Variants in WDR27 observed in about 807,000 individuals in gnomAD.
WDR27 encodes WD repeat domain 27, also known as WD repeat-containing protein 27.
WDR27 carries 100 observed loss-of-function variants against 114.4 expected under a neutral mutation model. The ratio of observed to expected loss-of-function variants is 0.87; its 90% CI spans 0.74 to 1.03. WDR27 has a LOEUF of 1.03. Ranked by LOEUF, WDR27 falls within the 50% of genes least tolerant of loss-of-function variation. The pLI, the probability that WDR27 is intolerant of heterozygous loss-of-function variation, is 0.00. For synonymous variants in WDR27, 449 were observed against 423.1 expected, an observed-to-expected ratio of 1.06 and a Z score of -0.75; for missense variants, 1,129 against 1,092.9, an observed-to-expected ratio of 1.03 and a Z score of -0.47.
intron 1 of WDR27, among the ~76,000 whole-genome samples, chr6:169,697,522 C>T (rs966748861): frequency 7.9e-5 from 12 of 152,208 alleles, no homozygotes; most frequent in African/African-American, 2.7e-4. Flanking sequence ...CACTGTAATC[C>T]GGAGGCCTAA....
intron 19 of WDR27, among the ~76,000 whole-genome samples, chr6:169,635,149 C>T (rs963752004): frequency 3.3e-5 from 5 of 151,788 alleles, no homozygotes; most frequent in African/African-American, 9.7e-5. Context: ...GGGCAGATCA[C>T]GAGGTCAGGA....
At chr6:169,592,224 C>T (rs545824733) in intron 23 of WDR27, among the ~76,000 whole-genome samples, 2 of 152,228 alleles carry the variant, frequency 1.3e-5, no homozygotes, top group African/African-American at 2.4e-5. Flanking sequence ...AGTACAGCTA[C>T]AGAAAAACCT....
intron 23 of WDR27, among the ~76,000 whole-genome samples, chr6:169,592,300 C>T (rs1366980353): frequency 6.6e-6 from 1 of 152,098 alleles, no homozygotes; most frequent in African/African-American, 2.4e-5. Flanking sequence ...CAGAGAACTG[C>T]CTTCTTTAGG....
chr6:169,441,257 G>A, the WDR27 span, among the ~76,000 whole-genome samples: 21 of 151,712 alleles, frequency 1.4e-4, no homozygotes, highest in African/African-American at 4.8e-4. Flanking sequence ...TCCCCCGATG[G>A]GGGACCAGAG....
chr6:169,445,041 C>T, the WDR27 span, among the ~76,000 whole-genome samples: 2,057 of 152,162 alleles, frequency 0.014, 20 homozygotes, highest in Non-Finnish European at 0.022. Flanking sequence ...GGATGGGATT[C>T]GTGTGTCCAG....
chr6:169,673,998 C>T (rs763959608), intron 2 of WDR27, among the ~76,000 whole-genome samples: 24 of 152,198 alleles, frequency 1.6e-4, no homozygotes, highest in African/African-American at 5.5e-4. Context: ...TAAGAACTGA[C>T]ACCCAGTTAT....
At chr6:169,647,440 GC>G (rs1821061541) in intron 16 of WDR27, among the ~76,000 whole-genome samples, 1 of 152,206 alleles carries the variant, frequency 6.6e-6, no homozygotes, top group Non-Finnish European at 1.5e-5. Context: ...GCCTGCCGAA[GC>G]CCTCCCACCT....
At chr6:169,551,450 A>T (rs747204419) in intron 25 of WDR27, among the ~76,000 whole-genome samples, 2 of 152,136 alleles carry the variant, frequency 1.3e-5, no homozygotes, top group Non-Finnish European at 2.9e-5. Flanking sequence ...CAACATAACA[A>T]CCTGAGTGAC....
intron 22 of WDR27, among the ~76,000 whole-genome samples, chr6:169,602,670 G>C (rs532241745): frequency 6.6e-6 from 1 of 152,062 alleles, no homozygotes; most frequent in Non-Finnish European, 1.5e-5. Flanking sequence ...AAATTATTCA[G>C]AGACTTTTTG....
At chr6:169,428,619 C>G in the WDR27 span, among the ~76,000 whole-genome samples, 1 of 150,200 alleles carries the variant, frequency 6.7e-6, no homozygotes, top group Non-Finnish European at 1.5e-5. Context: ...GGGGGGGGTT[C>G]TACTCCTTTG....
chr6:169,436,179 A>G, the WDR27 span, among the ~76,000 whole-genome samples: 1 of 152,194 alleles, frequency 6.6e-6, no homozygotes, highest in Admixed American at 6.5e-5. Flanking sequence ...AAATCAACCC[A>G]AATATCTCTT....
intron 17 of WDR27, among the ~76,000 whole-genome samples, chr6:169,641,782 A>C (rs1267045894): frequency 6.6e-6 from 1 of 152,220 alleles, no homozygotes; most frequent in East Asian, 1.9e-4. Context: ...TTTTAGATTT[A>C]ATCTTCCGAA....
chr6:169,640,948 T>A (rs1818998988), intron 17 of WDR27, among the ~76,000 whole-genome samples: 1 of 152,188 alleles, frequency 6.6e-6, no homozygotes, highest in African/African-American at 2.4e-5. Context: ...GAGGGTCAAG[T>A]CACTGCTACT....
chr6:169,582,954 G>T lies in WDR27; in HGVS notation c.2425-20C>A. 1 of 1,610,010 alleles carries T rather than the reference G, an allele frequency of 6.2e-7. No individual in the cohort carries two copies. Among genetic ancestry groups the T allele is most frequent in the Non-Finnish European group, 8.5e-7 (1 of 1,177,044 alleles). ...GTAAGCCTACAAGACAAGATGAGCAGGTGTGCCATGTTAACTCAGAGTCAG... is the reference window on the plus strand; with the variant it reads ...GTAAGCCTACAAGACAAGATGAGCATGTGTGCCATGTTAACTCAGAGTCAG... On this transcript the variant is annotated intron_variant, in intron 23 of 25. Coordinates refer to ENST00000448612, the MANE Select transcript of WDR27 (RefSeq NM_182552.5).
chr6:169,649,391 T>C, intron 14 of WDR27, 116 bp from the exon 15 acceptor site: 1 of 864,972 alleles, frequency 1.2e-6, no homozygotes, highest in African/African-American at 1.7e-5. Context: ...TCTGCATAAA[T>C]GCTTTCGGGC....
At position 169,653,330 on chromosome 6, in the gene WDR27, C is replaced by CA. The variant is rs1823119360; in HGVS notation, c.1403-1323dup. On this transcript the variant is annotated intron_variant, in intron 13 of 25. Coordinates refer to ENST00000448612, the MANE Select transcript of WDR27 (RefSeq NM_182552.5). ...TTTGTTATTAATTAAGCAAATGGTT[C>CA]AAAAAGGCTTTTTTACATTGCACAA... Among the ~76,000 whole-genome samples, 4 of 152,184 alleles carry CA rather than the reference C, an allele frequency of 2.6e-5. No individual in the cohort carries two copies. In the South Asian group the frequency reaches 8.3e-4, roughly 32 times the overall value.
chr6:169,495,768 G>T (rs1790322949), intron 25 of WDR27, among the ~76,000 whole-genome samples: 1 of 151,752 alleles, frequency 6.6e-6, no homozygotes, highest in Admixed American at 6.6e-5. Context: ...TAAGAATAAT[G>T]AATCAGTAAC....
In WDR27 at chr6:169,510,624, A is replaced by C. The variant is rs1456115551; in HGVS notation, c.2646-52990T>G. Among the ~76,000 whole-genome samples, 3 of 113,664 alleles carry C rather than the reference A, an allele frequency of 2.6e-5. No individual in the cohort carries two copies. The East Asian group carries it at 9.2e-4, about 35-fold the overall frequency. The allele number at this position is 113,664 out of a possible 152,430, so 74.6% of individuals were successfully genotyped here. A position where few individuals can be genotyped will look rare whatever the true frequency, so the allele number is the denominator to read the frequency against. On this transcript the variant is annotated intron_variant, in intron 25 of 25. Coordinates refer to ENST00000448612, the MANE Select transcript of WDR27 (RefSeq NM_182552.5). ...GGAAGGGGAATATCACACACTGGGG[A>C]CTGTTGTGGGGTGGGGGGAGGGGGG...
intron 25 of WDR27, among the ~76,000 whole-genome samples, chr6:169,570,731 C>T (rs1029741272): frequency 2.0e-5 from 3 of 152,024 alleles, no homozygotes; most frequent in East Asian, 1.9e-4. Flanking sequence ...CGGGAGGCTG[C>T]GGCAGGAGAA....
Sources: gnomAD v4.1 joint callset for allele counts (sites outside exome capture counted in the v4.1 genomes callset) on GRCh38, gnomAD v4.1.1 for gene constraint, MANE v1.5 for transcripts, NCBI Gene and HGNC (gene_info 2026-07-23, HGNC 2026-07-21) for gene names.